Variants in RPH3A observed in about 807,000 individuals in gnomAD.
RPH3A encodes rabphilin 3A, also known as rabphilin-3A.
RPH3A carries 48 observed loss-of-function variants against 102.2 expected under a neutral mutation model. The ratio of observed to expected loss-of-function variants is 0.47; its 90% CI spans 0.37 to 0.60. The LOEUF (loss-of-function observed/expected upper bound fraction) is 0.60, where lower values mean the gene tolerates loss of function less well. Ranked by LOEUF, RPH3A falls within the 20% of genes least tolerant of loss-of-function variation. The probability of loss-of-function intolerance (pLI) is 0.00; values close to 1 mark genes in which losing one functional copy is unlikely to be tolerated. For missense variants in RPH3A, 781 were observed against 910.1 expected (o/e 0.86, Z 1.83); for synonymous variants, 310 against 324.3 (o/e 0.96, Z 0.47).
intron 5 of RPH3A, among the ~76,000 whole-genome samples, chr12:112,853,554 C>A (rs1170368055): frequency 6.6e-6 from 1 of 152,124 alleles, no homozygotes; most frequent in Non-Finnish European, 1.5e-5. Context: ...TATGGTTGGG[C>A]ATAGTGGCTC....
chr12:112,730,591 C>T lies in RPH3A; in HGVS notation c.-139-61552C>T, dbSNP rs115693407. Among the ~76,000 whole-genome samples the T allele has an allele frequency of 5.2e-3, 797 of 152,334 alleles. 13 individuals are homozygous for T. The highest frequency in any genetic ancestry group is 0.018 in the African/African-American group (769 of 41,574). ...CAGCATCTCTCTCCGCCCAATCCTGCTTCCTCCTTGGTTCTTTTATAAGTG... is the reference window on the plus strand; with the variant it reads ...CAGCATCTCTCTCCGCCCAATCCTGTTTCCTCCTTGGTTCTTTTATAAGTG... On this transcript the variant is annotated intron_variant, in intron 1 of 21. Transcript: ENST00000543106.
At chr12:112,889,113 G>A (rs1225547673) in intron 17 of RPH3A, among the ~76,000 whole-genome samples, 1 of 152,224 alleles carries the variant, frequency 6.6e-6, no homozygotes, top group Non-Finnish European at 1.5e-5. Context: ...TTATAGTTCA[G>A]GCAAAGGAAC....
chr12:112,890,605 ACAGT>A (rs2043077356), intron 18 of RPH3A, among the ~76,000 whole-genome samples: 1 of 152,190 alleles, frequency 6.6e-6, no homozygotes, highest in South Asian at 2.1e-4. Flanking sequence ...GTCTGTGCTC[ACAGT>A]CAGAGTCTGT....
At chr12:112,864,402 G>A (rs1314440008) in intron 5 of RPH3A, among the ~76,000 whole-genome samples, 3 of 143,202 alleles carry the variant, frequency 2.1e-5, no homozygotes, top group African/African-American at 7.8e-5. Flanking sequence ...AGTGAGCCCA[G>A]ATCGCGCCAC....
intron 5 of RPH3A, among the ~76,000 whole-genome samples, chr12:112,858,625 C>T (rs546455117): frequency 2.0e-5 from 3 of 152,314 alleles, no homozygotes; most frequent in African/African-American, 4.8e-5. Context: ...AAACAATGTC[C>T]GATCTCTCAC....
At chr12:112,699,250 A>G (rs113704496) in intron 1 of RPH3A, among the ~76,000 whole-genome samples, 1,822 of 152,304 alleles carry the variant, frequency 0.012, 46 homozygotes, top group African/African-American at 0.042. Flanking sequence ...TAAAAAGTAT[A>G]GTTACTATAT....
chr12:112,687,623 T>C (rs1557806), intron 1 of RPH3A, among the ~76,000 whole-genome samples: 2,813 of 152,284 alleles, frequency 0.018, 104 homozygotes, highest in African/African-American at 0.065. Flanking sequence ...GCATGTGTAA[T>C]TAATTTTCCA....
At chr12:112,866,542 T>A (rs1593102607) in intron 6 of RPH3A, among the ~76,000 whole-genome samples, 1 of 152,186 alleles carries the variant, frequency 6.6e-6, no homozygotes, top group Admixed American at 6.5e-5. Flanking sequence ...CTTAAAGAAT[T>A]CCTTCATCCA....
At chr12:112,715,669 G>A (rs539454950) in intron 1 of RPH3A, among the ~76,000 whole-genome samples, 1 of 152,120 alleles carries the variant, frequency 6.6e-6, no homozygotes, top group Non-Finnish European at 1.5e-5. Flanking sequence ...CAGTGGGCAG[G>A]GACCAGTCAT....
intron 1 of RPH3A, among the ~76,000 whole-genome samples, chr12:112,616,261 C>T (rs980756320): frequency 2.0e-5 from 3 of 152,200 alleles, no homozygotes; most frequent in African/African-American, 7.2e-5. Context: ...ATTCTCCTGC[C>T]TCAGCCTCCC....
At chr12:112,851,965 C>T (rs943767752) in intron 5 of RPH3A, among the ~76,000 whole-genome samples, 1 of 152,208 alleles carries the variant, frequency 6.6e-6, no homozygotes, top group Non-Finnish European at 1.5e-5. Context: ...CCCAAAACTT[C>T]GTGGCTTAGA....
intron 13 of RPH3A, among the ~76,000 whole-genome samples, chr12:112,877,901 T>C (rs751044123): frequency 3.3e-5 from 5 of 152,220 alleles, no homozygotes; most frequent in Non-Finnish European, 7.3e-5. Flanking sequence ...TTCTGTGCAT[T>C]TGCCTATTTA....
At position 112,865,378 on chromosome 12, in the gene RPH3A, C is replaced by T. The variant is rs373299658; in HGVS notation, c.231-36C>T. On this transcript the variant is annotated intron_variant, in intron 5 of 21. Transcript: ENST00000389385. ...TGGGGTATGCTGGTGGTCCCCAGTCCTACAAGGTCCTTATTTACCTTGTCT... is the reference window on the plus strand; with the variant it reads ...TGGGGTATGCTGGTGGTCCCCAGTCTTACAAGGTCCTTATTTACCTTGTCT... 187 of 1,608,858 alleles carry T rather than the reference C, an allele frequency of 1.2e-4. No homozygotes were observed. In the African/African-American group the frequency reaches 2.4e-3, roughly 20 times the overall value.
chr12:112,828,331 G>A lies in RPH3A; in HGVS notation c.13G>A (p.Val5Met), dbSNP rs748362931. 26 of 1,610,912 alleles carry A rather than the reference G, an allele frequency of 1.6e-5. No individual in the cohort carries two copies. The highest frequency in any genetic ancestry group is 4.5e-5 in the East Asian group (2 of 44,668). MTDT[V>M]FSNSSNRWMY... is the part of the protein sequence containing the mutation. The stretch of plus-strand genomic sequence containing the variant: ...CTAGACATCTACTATGACTGACACC[G>A]TGTTCAGCAACAGTTCTAACCGTTG... The change falls in exon 3 of 22, where the codon GTG (valine) becomes ATG (methionine). Residue 5 changes from valine (V) to methionine (M), a missense_variant. Coordinates refer to ENST00000389385, the MANE Select transcript of RPH3A (RefSeq NM_001143854.2).
chr12:112,646,614 C>T (rs2135994660), intron 1 of RPH3A, among the ~76,000 whole-genome samples: 1 of 152,302 alleles, frequency 6.6e-6, no homozygotes, highest in East Asian at 1.9e-4. Flanking sequence ...TTCTCAGCCT[C>T]AAAATGATTA....
intron 2 of RPH3A, among the ~76,000 whole-genome samples, chr12:112,826,201 A>G (rs1593049249): frequency 6.6e-6 from 1 of 152,204 alleles, no homozygotes; most frequent in South Asian, 2.1e-4. Context: ...AGAGCCAGAC[A>G]GGCATCTGCA....
At chr12:112,780,678 A>T (rs906274415) in intron 1 of RPH3A, among the ~76,000 whole-genome samples, 1 of 152,158 alleles carries the variant, frequency 6.6e-6, no homozygotes, top group African/African-American at 2.4e-5. Flanking sequence ...TATCCTTACA[A>T]ACATCTAGAC....
chr12:112,719,965 G>GT (rs1384632018), intron 1 of RPH3A, among the ~76,000 whole-genome samples: 3 of 152,170 alleles, frequency 2.0e-5, no homozygotes, highest in Admixed American at 2.0e-4. Context: ...CGAGCCTATA[G>GT]TTTTTTTCTT....
At chr12:112,653,621 C>T (rs1427562312) in intron 1 of RPH3A, among the ~76,000 whole-genome samples, 1 of 151,992 alleles carries the variant, frequency 6.6e-6, no homozygotes, top group Non-Finnish European at 1.5e-5. Context: ...AACCTTTTTA[C>T]TTTATATACT....
Sources: gnomAD v4.1 joint callset for allele counts (sites outside exome capture counted in the v4.1 genomes callset) on GRCh38, gnomAD v4.1.1 for gene constraint, MANE v1.5 for transcripts, NCBI Gene and HGNC (gene_info 2026-07-23, HGNC 2026-07-21) for gene names.